The following RGS6 variants were observed in gnomAD, a reference collection of about 807,000 sequenced individuals.
RGS6 encodes regulator of G protein signaling 6.
In RGS6, 30 loss-of-function variants were observed where a neutral mutation model predicts 78.5. The observed-to-expected ratio is 0.38, with a 90% CI of 0.29 to 0.52. RGS6 has a LOEUF of 0.52. Ranked by LOEUF, RGS6 falls within the 20% of genes least tolerant of loss-of-function variation. The pLI, the probability that RGS6 is intolerant of heterozygous loss-of-function variation, is 0.85. For synonymous variants in RGS6, 206 were observed against 206.0 expected, an observed-to-expected ratio of 1.00 and a Z score of 0.00; for missense variants, 495 against 609.7, an observed-to-expected ratio of 0.81 and a Z score of 1.98.
chr14:72,410,977 T>C (rs948575276), intron 3 of RGS6, among the ~76,000 whole-genome samples: 1 of 152,230 alleles, frequency 6.6e-6, no homozygotes, highest in Non-Finnish European at 1.5e-5. Context: ...TGTAGCCTTG[T>C]AGTATAGTTT....
intron 1 of RGS6, among the ~76,000 whole-genome samples, chr14:71,953,200 C>T (rs1454862013): frequency 5.3e-5 from 8 of 152,140 alleles, no homozygotes; most frequent in Non-Finnish European, 1.0e-4. Context: ...GGCATTAGAA[C>T]GCAACTTGAC....
chr14:72,196,680 T>G (rs1281514255), intron 2 of RGS6, among the ~76,000 whole-genome samples: 2 of 152,234 alleles, frequency 1.3e-5, no homozygotes, highest in South Asian at 4.1e-4. Context: ...CATGGCAACT[T>G]TCCTCTTCAA....
At chr14:72,088,106 G>A (rs1169164067) in intron 2 of RGS6, among the ~76,000 whole-genome samples, 3 of 152,184 alleles carry the variant, frequency 2.0e-5, no homozygotes. Flanking sequence ...TTCTGCATTT[G>A]AGATGAAACT....
chr14:72,587,161 G>A, the RGS6 span, among the ~76,000 whole-genome samples: 592 of 152,198 alleles, frequency 3.9e-3, 4 homozygotes, highest in African/African-American at 0.013. Context: ...GAATGCCCAC[G>A]ATGGCTCATC....
chr14:71,954,897 C>T (rs1049495147), intron 1 of RGS6, among the ~76,000 whole-genome samples: 6 of 152,150 alleles, frequency 3.9e-5, no homozygotes, highest in African/African-American at 1.2e-4. Context: ...TTCCAACATC[C>T]GTGACATATC....
intron 2 of RGS6, among the ~76,000 whole-genome samples, chr14:71,970,261 T>C (rs1421909208): frequency 4.6e-5 from 7 of 152,204 alleles, no homozygotes; most frequent in African/African-American, 1.7e-4. Context: ...GCCAATGTTC[T>C]TGTATATCAA....
At chr14:72,253,325 C>A (rs2056290542) in intron 2 of RGS6, among the ~76,000 whole-genome samples, 2 of 152,170 alleles carry the variant, frequency 1.3e-5, no homozygotes, top group African/African-American at 2.4e-5. Context: ...GGAAATAAAG[C>A]TTTCTTTGTA....
chr14:72,387,846 G>A (rs189263116), intron 3 of RGS6, among the ~76,000 whole-genome samples: 74 of 152,256 alleles, frequency 4.9e-4, no homozygotes, highest in Non-Finnish European at 8.4e-4. Flanking sequence ...AGATCATGGT[G>A]GGGGCAGGGT....
intron 2 of RGS6, among the ~76,000 whole-genome samples, chr14:72,008,647 C>T (rs904158666): frequency 2.6e-5 from 4 of 152,140 alleles, no homozygotes; most frequent in African/African-American, 9.7e-5. Flanking sequence ...TCCTGGATCC[C>T]TCACGGTGGG....
At chr14:72,509,863 A>G (rs982257311) in intron 13 of RGS6, among the ~76,000 whole-genome samples, 6 of 152,164 alleles carry the variant, frequency 3.9e-5, no homozygotes, top group African/African-American at 1.4e-4. Context: ...AATTGATAGG[A>G]ATGGTCCAGG....
chr14:72,612,488 C>T, the RGS6 span: 9 of 518,210 alleles, frequency 1.7e-5, no homozygotes, highest in African/African-American at 3.9e-5. Context: ...AAAATGTGCA[C>T]GGGGTATATT....
intron 2 of RGS6, among the ~76,000 whole-genome samples, chr14:72,306,151 C>A (rs2067191395): frequency 6.6e-6 from 1 of 152,100 alleles, no homozygotes; most frequent in Non-Finnish European, 1.5e-5. Flanking sequence ...TCTGCCTGTG[C>A]CCTAAAAATG....
intron 3 of RGS6, among the ~76,000 whole-genome samples, chr14:72,383,213 T>TACAC (rs1555364567): frequency 0.012 from 1,427 of 118,280 alleles, 58 homozygotes; most frequent in African/African-American, 0.043. Context: ...TATATATATA[T>TACAC]ACACACAAAC....
chr14:72,519,601 ACTT>A (rs578025661), intron 15 of RGS6, among the ~76,000 whole-genome samples: 164 of 152,192 alleles, frequency 1.1e-3, no homozygotes, highest in African/African-American at 3.7e-3. Context: ...ATAACTATCT[ACTT>A]CTCTCCCCCT....
chr14:72,579,141 TCTAA>T, the RGS6 span, among the ~76,000 whole-genome samples: 1 of 152,146 alleles, frequency 6.6e-6, no homozygotes, highest in Non-Finnish European at 1.5e-5. Flanking sequence ...ATGCCTCAGA[TCTAA>T]CTGACTGGGT....
intron 2 of RGS6, among the ~76,000 whole-genome samples, chr14:72,151,168 A>G (rs946359560): frequency 1.1e-4 from 17 of 152,278 alleles, no homozygotes; most frequent in Admixed American, 2.0e-4. Flanking sequence ...AGTCCATTCA[A>G]TGTATGAGGT....
In RGS6 at chr14:72,401,382, C is replaced by G. The variant is rs555614748; in HGVS notation, c.184+49188C>G. ...AGAGAGGAGAATCTTTGTCAGTTAG[C>G]TGGGTGAGTGGTTCACAAGCCTCAC... On this transcript the variant is annotated intron_variant, in intron 3 of 17. Transcript: ENST00000553525. Among the ~76,000 whole-genome samples the G allele has an allele frequency of 6.8e-4, 103 of 152,046 alleles. 1 individual carries two copies. The highest frequency in any genetic ancestry group is 2.4e-3 in the African/African-American group (98 of 41,482).
At chr14:72,471,035 G>T (rs919007632) in intron 8 of RGS6, among the ~76,000 whole-genome samples, 2 of 152,056 alleles carry the variant, frequency 1.3e-5, no homozygotes, top group African/African-American at 4.8e-5. Context: ...GGTGACCCCT[G>T]TAAGTTTTCT....
intron 14 of RGS6, among the ~76,000 whole-genome samples, chr14:72,514,669 G>T (rs761401303): frequency 6.6e-6 from 1 of 152,236 alleles, no homozygotes; most frequent in Non-Finnish European, 1.5e-5. Context: ...CAGAGACCAG[G>T]GGCAGGTCAG....
Sources: gnomAD v4.1 joint callset for allele counts (sites outside exome capture counted in the v4.1 genomes callset) on GRCh38, gnomAD v4.1.1 for gene constraint, MANE v1.5 for transcripts, NCBI Gene and HGNC (gene_info 2026-07-23, HGNC 2026-07-21) for gene names.